BICD1: variants seen among roughly 807,000 people sequenced by gnomAD.
The protein encoded by BICD1 is BICD cargo adaptor 1.
A neutral mutation model predicts 92.5 loss-of-function variants in BICD1; 35 were observed. That is an observed-to-expected ratio of 0.38 (90% confidence interval 0.29 to 0.50). The LOEUF (loss-of-function observed/expected upper bound fraction) is 0.50, where lower values mean the gene tolerates loss of function less well. Among genes scored for constraint, BICD1 ranks in the 20% least tolerant of loss-of-function variants. The probability of loss-of-function intolerance (pLI) is 0.93; values close to 1 mark genes in which losing one functional copy is unlikely to be tolerated. For synonymous variants in BICD1, 429 were observed against 465.1 expected (o/e 0.92, Z 1.00); for missense variants, 950 against 1,189.8 (o/e 0.80, Z 2.97).
At chr12:32,257,099 G>A (rs1447073426) in intron 2 of BICD1, among the ~76,000 whole-genome samples, 1 of 150,162 alleles carries the variant, frequency 6.7e-6, no homozygotes, top group Non-Finnish European at 1.5e-5. Context: ...TGTAGTCCCA[G>A]TTACTTGGGA....
At chr12:32,284,665 G>GT (rs1947515088) in intron 2 of BICD1, among the ~76,000 whole-genome samples, 1 of 152,282 alleles carries the variant, frequency 6.6e-6, no homozygotes, top group Non-Finnish European at 1.5e-5. Context: ...TCGTGTGGCT[G>GT]TTTTGCTTAA....
intron 1 of BICD1, among the ~76,000 whole-genome samples, chr12:32,209,270 G>A (rs536022084): frequency 2.0e-4 from 31 of 152,280 alleles, no homozygotes; most frequent in Middle Eastern, 6.8e-3. Flanking sequence ...ACCATTTGAT[G>A]TGATTATAAC....
intron 1 of BICD1, among the ~76,000 whole-genome samples, chr12:32,214,797 T>C (rs1177396319): frequency 6.6e-6 from 1 of 152,166 alleles, no homozygotes; most frequent in Non-Finnish European, 1.5e-5. Flanking sequence ...GTGGCTGTTG[T>C]TTTTTACTTG....
chr12:32,284,555 G>A (rs1379270248), intron 2 of BICD1, among the ~76,000 whole-genome samples: 2 of 151,894 alleles, frequency 1.3e-5, no homozygotes, highest in Non-Finnish European at 2.9e-5. Flanking sequence ...CTCTCATGTT[G>A]GGCATTGGAG....
At chr12:32,114,703 GGTT>G (rs1285275713) in intron 1 of BICD1, among the ~76,000 whole-genome samples, 9 of 152,156 alleles carry the variant, frequency 5.9e-5, no homozygotes, top group African/African-American at 2.2e-4. Flanking sequence ...TTGTGCAATT[GGTT>G]GTTATTTTAT....
intron 2 of BICD1, among the ~76,000 whole-genome samples, chr12:32,276,585 C>A (rs932812144): frequency 2.0e-5 from 3 of 152,106 alleles, no homozygotes; most frequent in Non-Finnish European, 2.9e-5. Flanking sequence ...GGCATTCGAG[C>A]TGGCAACGGC....
intron 2 of BICD1, among the ~76,000 whole-genome samples, chr12:32,246,029 CAAAAAAA>C (rs71068311): frequency 6.8e-5 from 3 of 44,088 alleles, no homozygotes; most frequent in South Asian, 1.5e-3. Flanking sequence ...TACTCTGTCT[CAAAAAAA>C]AAAAAAAAAA....
intron 1 of BICD1, among the ~76,000 whole-genome samples, chr12:32,126,549 G>C (rs1942348185): frequency 6.6e-6 from 1 of 151,992 alleles, no homozygotes; most frequent in Non-Finnish European, 1.5e-5. Context: ...TTGATACCAG[G>C]AGTTCGAGAT....
At chr12:32,343,487 C>G (rs982114776) in intron 8 of BICD1, among the ~76,000 whole-genome samples, 1 of 152,186 alleles carries the variant, frequency 6.6e-6, no homozygotes, top group Non-Finnish European at 1.5e-5. Context: ...CTGACTGCAG[C>G]ATTTACACAT....
At chr12:32,141,380 TAA>T (rs1355050217) in intron 1 of BICD1, among the ~76,000 whole-genome samples, 1 of 152,196 alleles carries the variant, frequency 6.6e-6, no homozygotes, top group Non-Finnish European at 1.5e-5. Flanking sequence ...GTTATTAAGC[TAA>T]GATTGTATGA....
rs1555145675 is a variant in BICD1, at chr12:32,198,330, C to CTATCTATATA, written c.214-17914_214-17913insCTATATATAT. 1.6e-3 allele frequency among the ~76,000 whole-genome samples: 192 copies of CTATCTATATA among 117,764 alleles called. 4 individuals carry two copies. The highest frequency in any genetic ancestry group is 5.7e-3 in the African/African-American group (176 of 31,074). 77.3% of individuals were successfully genotyped at this position (117,764 alleles called of 152,430 possible). On this transcript the variant is annotated intron_variant, in intron 1 of 9. Transcript: ENST00000652176. ...GATTATGGGAATAATATGCATCTATCTATATATATATATATATATATATTC... is the reference window on the plus strand; with the variant it reads ...GATTATGGGAATAATATGCATCTATCTATCTATATATATATATATATATATATATATATTC...
At chr12:32,361,232 G>A (rs1017048365) in intron 8 of BICD1, among the ~76,000 whole-genome samples, 2 of 152,154 alleles carry the variant, frequency 1.3e-5, no homozygotes, top group African/African-American at 2.4e-5. Flanking sequence ...GCAAGGAGAC[G>A]AGTGAGGGAA....
At chr12:32,330,576 AAT>A (rs375801223) in intron 5 of BICD1, among the ~76,000 whole-genome samples, 2 of 149,484 alleles carry the variant, frequency 1.3e-5, no homozygotes, top group Admixed American at 6.7e-5. Flanking sequence ...AGTAAATTAA[AAT>A]ATATATATAT....
In BICD1 at chr12:32,305,819, C is replaced by T; in HGVS notation, c.702C>T (p.Ala234=). 1 of 1,614,118 alleles carries T rather than the reference C, an allele frequency of 6.2e-7. No homozygotes were observed. The highest frequency in any genetic ancestry group is 8.5e-7 in the Non-Finnish European group (1 of 1,180,032). Residue 234 remains alanine, a synonymous_variant, in exon 4 of 10, where the codon GCC becomes GCT. Coordinates refer to ENST00000652176, the MANE Select transcript of BICD1 (RefSeq NM_001714.4). The stretch of plus-strand genomic sequence containing the variant: ...TTGCTGAGCACCAACTGGAAGAAGC[C>T]CTCGAGACTTTAAAAAATGAAAGAG... ...KEIAEHQLEE[A]LETLKNEREQ... is the part of the protein sequence containing the mutation.
intron 2 of BICD1, among the ~76,000 whole-genome samples, chr12:32,286,515 A>C (rs1465676371): frequency 2.6e-5 from 4 of 152,204 alleles, no homozygotes; most frequent in Non-Finnish European, 5.9e-5. Context: ...GAACACTACT[A>C]TTTTTCATTC....
chr12:32,191,172 T>G (rs1178812009), intron 1 of BICD1, among the ~76,000 whole-genome samples: 6 of 151,898 alleles, frequency 4.0e-5, no homozygotes, highest in Admixed American at 3.9e-4. Flanking sequence ...CCCAAGGAAC[T>G]AGAAAAAGAA....
At chr12:32,154,913 A>G (rs1592385618) in intron 1 of BICD1, among the ~76,000 whole-genome samples, 1 of 152,194 alleles carries the variant, frequency 6.6e-6, no homozygotes, top group East Asian at 1.9e-4. Flanking sequence ...TCCAATTAAA[A>G]TGATCCCTCG....
intron 2 of BICD1, among the ~76,000 whole-genome samples, chr12:32,261,113 G>T (rs1285024471): frequency 2.0e-5 from 3 of 152,194 alleles, no homozygotes; most frequent in Non-Finnish European, 4.4e-5. Context: ...TGGGGACTTT[G>T]TTACCGAAGG....
At chr12:32,287,558 A>G (rs893891377) in intron 2 of BICD1, among the ~76,000 whole-genome samples, 9 of 130,834 alleles carry the variant, frequency 6.9e-5, no homozygotes, top group African/African-American at 2.5e-4. Flanking sequence ...TTTTTTTGAG[A>G]TGGAGTCTGT....
Sources: gnomAD v4.1 joint callset for allele counts (sites outside exome capture counted in the v4.1 genomes callset) on GRCh38, gnomAD v4.1.1 for gene constraint, MANE v1.5 for transcripts, NCBI Gene and HGNC (gene_info 2026-07-23, HGNC 2026-07-21) for gene names.